CILK1: variants seen among roughly 807,000 people sequenced by gnomAD.
The protein encoded by CILK1 is serine/threonine-protein kinase ICK.
In CILK1, 47 loss-of-function variants were observed where a neutral mutation model predicts 79.2. The observed-to-expected ratio is 0.59, with a 90% CI of 0.47 to 0.76. The LOEUF is 0.76. Among genes scored for constraint, CILK1 ranks in the 30% least tolerant of loss-of-function variants. The probability of loss-of-function intolerance (pLI) is 0.00; values close to 1 mark genes in which losing one functional copy is unlikely to be tolerated. For missense variants in CILK1, 660 were observed against 769.5 expected, an observed-to-expected ratio of 0.86 and a Z score of 1.68; for synonymous variants, 266 against 275.9, an observed-to-expected ratio of 0.96 and a Z score of 0.36.
chr6:53,044,321 T>C (rs917666602), intron 1 of CILK1, among the ~76,000 whole-genome samples: 1 of 152,192 alleles, frequency 6.6e-6, no homozygotes, highest in African/African-American at 2.4e-5. Context: ...GGGAGGGATC[T>C]AGGTTGCGTG....
chr6:53,013,024 T>C (rs1204564969), intron 9 of CILK1, among the ~76,000 whole-genome samples: 1 of 152,244 alleles, frequency 6.6e-6, no homozygotes, highest in African/African-American at 2.4e-5. Context: ...ACAGCAGTAA[T>C]GTGGATAACA....
At chr6:53,045,774 G>A (rs1353579272) in intron 1 of CILK1, among the ~76,000 whole-genome samples, 2 of 118,070 alleles carry the variant, frequency 1.7e-5, no homozygotes, top group Non-Finnish European at 3.3e-5. Context: ...CCAAACCATC[G>A]TTGTATGTCA....
chr6:53,016,784 A>G (rs1753871399), intron 7 of CILK1, among the ~76,000 whole-genome samples: 1 of 152,240 alleles, frequency 6.6e-6, no homozygotes, highest in Non-Finnish European at 1.5e-5. Context: ...TCTATGGGAC[A>G]CTAAATGCTG....
chr6:53,018,614 C>T, intron 6 of CILK1, 113 bp from the exon 7 acceptor site: 1 of 1,057,448 alleles, frequency 9.5e-7, no homozygotes, highest in Non-Finnish European at 1.4e-6. Flanking sequence ...CTCTCTAGTT[C>T]ACTGTGGTGT....
intron 11 of CILK1, 39 bp from the exon 12 acceptor site, chr6:53,009,606 A>C (rs575844609): frequency 2.0e-6 from 3 of 1,527,372 alleles, no homozygotes; most frequent in Non-Finnish European, 2.7e-6. Context: ...CAAAATACAC[A>C]ATGAATCTTA....
chr6:53,012,218 C>T lies in CILK1; in HGVS notation c.1162G>A (p.Ala388Thr). Residue 388 changes from alanine (A) to threonine (T), a missense_variant, in exon 10 of 14, where the codon GCT becomes ACT. Coordinates refer to ENST00000676107, the MANE Select transcript of CILK1 (RefSeq NM_014920.5). ...HNKHPQSKIT[A>T]GLEHKNGEIK... ...TCACCATTTTTGTGCTCCAGGCCAG[C>T]TGTGATTTTCTGTGTAAACAAACGG... The T allele has an allele frequency of 6.2e-7, 1 of 1,614,112 alleles. No individual in the cohort carries two copies. Among genetic ancestry groups the T allele is most frequent in the Non-Finnish European group, 8.5e-7 (1 of 1,179,996 alleles).
intron 9 of CILK1, among the ~76,000 whole-genome samples, chr6:53,013,052 C>T (rs1764672309): frequency 6.6e-6 from 1 of 152,196 alleles, no homozygotes; most frequent in African/African-American, 2.4e-5. Flanking sequence ...AATATTAACA[C>T]AGCGCTTTAT....
chr6:53,024,960 G>A (rs1159065794), intron 5 of CILK1, among the ~76,000 whole-genome samples: 1 of 151,102 alleles, frequency 6.6e-6, no homozygotes, highest in Non-Finnish European at 1.5e-5. Context: ...AGGCTCCCAA[G>A]TAGCTGGGAT....
Position 53,009,671 on chromosome 6 carries a change from A to C in CILK1, c.1493-104T>G, listed in dbSNP as rs2127404700. The C allele has an allele frequency of 3.0e-6, 3 of 987,752 alleles. No homozygotes were observed. The East Asian group carries it at 7.5e-5, about 25-fold the overall frequency. The allele number at this position is 987,752 out of a possible 1,614,324, so 61.2% of individuals were successfully genotyped here. ...GAACTCAATTTGTCAAAAACTCTCT[A>C]TGATACAATAATCAAAGCAAAAACT... On this transcript the variant is annotated intron_variant, in intron 11 of 13. Transcript: ENST00000676107.
At chr6:53,040,614 T>G (rs914444282) in intron 2 of CILK1, among the ~76,000 whole-genome samples, 2 of 152,252 alleles carry the variant, frequency 1.3e-5, no homozygotes, top group Non-Finnish European at 2.9e-5. Flanking sequence ...TTAGCTAAGT[T>G]GTGTCCAGAC....
At chr6:53,009,669 C>G in intron 11 of CILK1, 102 bp from the exon 12 acceptor site, 3 of 1,011,966 alleles carry the variant, frequency 3.0e-6, no homozygotes, top group Non-Finnish European at 3.0e-6. Flanking sequence ...CAAAAACTCT[C>G]TATGATACAA....
intron 3 of CILK1, 126 bp downstream of exon 3, chr6:53,037,813 C>T (rs996835483): frequency 1.5e-6 from 1 of 652,126 alleles, no homozygotes; most frequent in Non-Finnish European, 2.8e-6. Context: ...GTAATGTTAT[C>T]ATTTGCCTCC....
intron 1 of CILK1, among the ~76,000 whole-genome samples, chr6:53,052,952 G>A (rs1244368938): frequency 6.8e-6 from 1 of 146,572 alleles, no homozygotes; most frequent in Non-Finnish European, 1.5e-5. Flanking sequence ...TTTTTTTTTA[G>A]CTGTCATTTT....
chr6:53,044,431 ATTGTAG>A (rs1480199876), intron 1 of CILK1, among the ~76,000 whole-genome samples: 2 of 152,142 alleles, frequency 1.3e-5, no homozygotes, highest in Non-Finnish European at 2.9e-5. Flanking sequence ...TGTTAAAGTT[ATTGTAG>A]TTGTAGTTAC....
At chr6:53,025,756 G>A (rs566560064) in intron 5 of CILK1, among the ~76,000 whole-genome samples, 1 of 152,204 alleles carries the variant, frequency 6.6e-6, no homozygotes, top group East Asian at 1.9e-4. Context: ...ACTTCAAGTA[G>A]AAGTCAATAT....
At chr6:53,035,802 C>T (rs1423053858) in intron 3 of CILK1, among the ~76,000 whole-genome samples, 1 of 152,172 alleles carries the variant, frequency 6.6e-6, no homozygotes. Context: ...CCTTCTGAGT[C>T]AGCAGGCACA....
intron 4 of CILK1, 101 bp from the exon 5 acceptor site, chr6:53,031,245 T>C (rs565829274): frequency 9.1e-6 from 7 of 769,540 alleles, no homozygotes; most frequent in Admixed American, 7.5e-5. Flanking sequence ...AGCTACCTTA[T>C]AAACACCAAA....
chr6:53,024,959 A>G (rs13207939), intron 5 of CILK1, among the ~76,000 whole-genome samples: 1,613 of 151,826 alleles, frequency 0.011, 14 homozygotes, highest in Non-Finnish European at 0.018. Flanking sequence ...CAGGCTCCCA[A>G]GTAGCTGGGA....
chr6:53,028,253 T>C (rs1460386877), intron 5 of CILK1, among the ~76,000 whole-genome samples: 1 of 151,970 alleles, frequency 6.6e-6, no homozygotes, highest in African/African-American at 2.4e-5. Context: ...GAGGCAGAGG[T>C]TGCAGTGAGC....
Sources: gnomAD v4.1 joint callset for allele counts (sites outside exome capture counted in the v4.1 genomes callset) on GRCh38, gnomAD v4.1.1 for gene constraint, MANE v1.5 for transcripts, NCBI Gene and HGNC (gene_info 2026-07-23, HGNC 2026-07-21) for gene names.